The following KIF13B variants were observed in gnomAD, a reference collection of about 807,000 sequenced individuals.
The protein encoded by KIF13B is kinesin-like protein KIF13B.
A neutral mutation model predicts 222.0 loss-of-function variants in KIF13B; 127 were observed. The observed-to-expected ratio is 0.57, with a 90% CI of 0.50 to 0.66. The LOEUF (loss-of-function observed/expected upper bound fraction) is 0.66. KIF13B is among the 30% of genes least tolerant of loss of function. The pLI is 0.00. For synonymous variants in KIF13B, 976 were observed against 919.0 expected, an observed-to-expected ratio of 1.06 and a Z score of -1.12; for missense variants, 2,173 against 2,379.0, an observed-to-expected ratio of 0.91 and a Z score of 1.80.
At chr8:29,257,669 T>C (rs942960201) in intron 1 of KIF13B, among the ~76,000 whole-genome samples, 3 of 152,126 alleles carry the variant, frequency 2.0e-5, no homozygotes, top group Non-Finnish European at 4.4e-5. Flanking sequence ...TAGACAGACA[T>C]GGTTGTGCAC....
At position 29,071,891 on chromosome 8, in the gene KIF13B, C is replaced by T. The variant is rs1451824691; in HGVS notation, c.4947G>A (p.Arg1649=). 5.4e-6 allele frequency: 8 copies of T among 1,487,652 alleles called. No individual in the cohort carries two copies. The African/African-American group carries it at 8.8e-5, about 16-fold the overall frequency. 92.2% of individuals were successfully genotyped at this position (1,487,652 alleles called of 1,614,324 possible). The change falls in exon 39 of 40, where the codon CGG becomes CGA. Residue 1649 remains arginine, a synonymous_variant. Transcript: ENST00000524189. This position sits in a 1 kb window ranked among gnomAD's most constrained non-coding sequence, Gnocchi z 4.9. ...AGCGCAACTCCGAGGCCCGCACCCT[C>T]CGGACGCGGAACGGGGAGCCGGGCG... is the stretch of plus-strand genomic sequence containing the variant. ...APAPGSPFRV[R]RVRASELRSF...
chr8:29,178,400 T>G (rs963751839), intron 8 of KIF13B, among the ~76,000 whole-genome samples: 3 of 152,180 alleles, frequency 2.0e-5, no homozygotes, highest in African/African-American at 7.2e-5. Context: ...TAGATTTACA[T>G]CTTTTTCTAA....
At chr8:29,221,046 G>A (rs961038015) in intron 2 of KIF13B, among the ~76,000 whole-genome samples, 1 of 151,588 alleles carries the variant, frequency 6.6e-6, no homozygotes, top group Admixed American at 6.6e-5. Flanking sequence ...AGAGGCTGCT[G>A]TGGGAGGATC....
At chr8:29,110,542 A>T (rs561704965) in intron 32 of KIF13B, 1 of 159,420 alleles carries the variant, frequency 6.3e-6, no homozygotes, top group African/African-American at 2.4e-5. Flanking sequence ...ATAGGGTTTC[A>T]GCGCCTGCCA....
chr8:29,196,282 T>G, intron 2 of KIF13B, 83 bp from the exon 3 acceptor site: 2 of 1,131,004 alleles, frequency 1.8e-6, no homozygotes, highest in Non-Finnish European at 2.5e-6. Context: ...AGACTTTTTT[T>G]GAAGGGTAAA....
intron 36 of KIF13B, among the ~76,000 whole-genome samples, chr8:29,094,256 C>T (rs927249564): frequency 7.2e-5 from 11 of 152,046 alleles, no homozygotes; most frequent in African/African-American, 2.2e-4. Flanking sequence ...GACAGAATTG[C>T]GTTTCAACAG....
chr8:29,251,282 AC>A (rs2130676559), intron 1 of KIF13B, among the ~76,000 whole-genome samples: 1 of 152,350 alleles, frequency 6.6e-6, no homozygotes, highest in East Asian at 1.9e-4. Context: ...GGCTTAAAAT[AC>A]TAAATTAAAA....
intron 37 of KIF13B, among the ~76,000 whole-genome samples, chr8:29,085,705 CTTTTTTTTTTTTTT>C (rs71222589): frequency 0.01 from 493 of 48,782 alleles, 5 homozygotes; most frequent in African/African-American, 0.035. Flanking sequence ...AAATACTCTT[CTTTTTTTTTTTTTT>C]TTTTTTTTTT....
intron 27 of KIF13B, 70 bp downstream of exon 27, chr8:29,123,954 C>G (rs920068206): frequency 5.3e-6 from 5 of 935,718 alleles, no homozygotes; most frequent in Non-Finnish European, 8.4e-6. Context: ...ACTGATGTGG[C>G]TACAAAGGGA....
Position 29,072,228 on chromosome 8 carries a change from G to C in KIF13B, c.4610C>G (p.Ser1537Cys), listed in dbSNP as rs1807329229. 2.0e-6 allele frequency: 3 copies of C among 1,472,970 alleles called. No individual in the cohort carries two copies. The African/African-American group carries it at 4.4e-5, about 22-fold the overall frequency. 91.2% of individuals were successfully genotyped at this position (1,472,970 alleles called of 1,614,324 possible). The change falls in exon 39 of 40, where the codon TCC (serine) becomes TGC (cysteine). Residue 1537 changes from serine (S) to cysteine (C), a missense_variant. By Grantham distance (112) the Ser-to-Cys change is moderately radical. This residue lies in a region of KIF13B where 693 missense variants were observed against 656.2 expected (regional missense o/e 1.06). Coordinates refer to ENST00000524189, the MANE Select transcript of KIF13B (RefSeq NM_015254.4). ...KICDKPAKVP[S>C]PPPVIAVTAV... ...TGTGACAGCTATGACAGGCGGTGGG[G>C]AAGGCACTTTGGCAGGTTTGTCGCA...
intron 2 of KIF13B, among the ~76,000 whole-genome samples, chr8:29,199,164 A>G (rs1813574879): frequency 6.6e-6 from 1 of 151,864 alleles, no homozygotes; most frequent in African/African-American, 2.4e-5. Flanking sequence ...ACATGCTATC[A>G]TCTTTTTATT....
At chr8:29,260,680 G>C (rs185625530) in intron 1 of KIF13B, among the ~76,000 whole-genome samples, 3 of 151,558 alleles carry the variant, frequency 2.0e-5, no homozygotes, top group Non-Finnish European at 4.4e-5. Flanking sequence ...ACAGTGGCAC[G>C]ATCTTGGCTC....
chr8:29,175,033 G>A (rs182448424), intron 10 of KIF13B, among the ~76,000 whole-genome samples: 3 of 152,130 alleles, frequency 2.0e-5, no homozygotes, highest in African/African-American at 7.2e-5. Context: ...CTAATGCAAC[G>A]CATGCCAGGT....
At chr8:29,193,378 G>C (rs1299199707) in intron 3 of KIF13B, among the ~76,000 whole-genome samples, 1 of 126,608 alleles carries the variant, frequency 7.9e-6, no homozygotes, top group Admixed American at 7.6e-5. Context: ...CATCAAACTG[G>C]GGGGAGCTGC....
intron 2 of KIF13B, 94 bp from the exon 3 acceptor site, chr8:29,196,293 A>C (rs1481920011): frequency 3.1e-6 from 3 of 964,858 alleles, no homozygotes; most frequent in Non-Finnish European, 4.7e-6. Context: ...GAAGGGTAAA[A>C]TAATAAACAT....
rs1470156567 is a variant in KIF13B, at chr8:29,071,919, G to A, written c.4919C>T (p.Pro1640Leu). 3 of 1,436,646 alleles carry A rather than the reference G, an allele frequency of 2.1e-6. No homozygotes were observed. Among genetic ancestry groups the A allele is most frequent in the African/African-American group, 1.5e-5 (1 of 65,332 alleles). 89.0% of individuals were successfully genotyped at this position (1,436,646 alleles called of 1,614,324 possible). A position where few individuals can be genotyped will look rare whatever the true frequency, so the allele number is the denominator to read the frequency against. ...GACGCGGAACGGGGAGCCGGGCGCC[G>A]GGGCCTCGAGGTCGGGGCGCTCCCG... is the stretch of plus-strand genomic sequence containing the variant. ...PGRERPDLEA[P>L]APGSPFRVRR... Residue 1640 changes from proline (P) to leucine (L), a missense_variant, in exon 39 of 40, where the codon CCG (proline) becomes CTG (leucine). Physicochemically the swap from Pro to Leu is moderately conservative, Grantham distance 98. Coordinates refer to ENST00000524189, the MANE Select transcript of KIF13B (RefSeq NM_015254.4). This position sits in a 1 kb window ranked among gnomAD's most constrained non-coding sequence, Gnocchi z 4.9.
chr8:29,245,530 CT>C (rs1815983590), intron 1 of KIF13B, 91 bp from the exon 2 acceptor site: 4 of 857,524 alleles, frequency 4.7e-6, no homozygotes, highest in Non-Finnish European at 7.3e-6. Context: ...ATTCAATACT[CT>C]TTCATAATGC....
At chr8:29,164,927 A>C (rs192968563) in intron 12 of KIF13B, among the ~76,000 whole-genome samples, 271 of 151,710 alleles carry the variant, frequency 1.8e-3, no homozygotes, top group African/African-American at 5.9e-3. Context: ...AGTTCACTCC[A>C]ATCTCCACCT....
chr8:29,220,752 C>T (rs1248976193), intron 2 of KIF13B, among the ~76,000 whole-genome samples: 2 of 152,052 alleles, frequency 1.3e-5, no homozygotes, highest in South Asian at 2.1e-4. Context: ...AGGAGAAACA[C>T]GGGGTCTCAT....
Sources: allele counts gnomAD v4.1 joint callset (sites outside exome capture counted in the v4.1 genomes callset), GRCh38; gene constraint gnomAD v4.1.1; regional missense constraint gnomAD v4.1.1; non-coding constraint Gnocchi (gnomAD v3.1); transcripts MANE v1.5; gene names NCBI Gene and HGNC (gene_info 2026-07-23, HGNC 2026-07-21).